The following SPOCK1 variants were observed in gnomAD, a reference collection of about 807,000 sequenced individuals.
SPOCK1 encodes the protein testican-1.
SPOCK1 carries 23 observed loss-of-function variants against 55.3 expected under a neutral mutation model. The observed-to-expected ratio is 0.42, with a 90% CI of 0.30 to 0.59. SPOCK1 has a LOEUF of 0.59. Ranked by LOEUF, SPOCK1 falls within the 20% of genes least tolerant of loss-of-function variation. The pLI is 0.22. For missense variants in SPOCK1, 499 were observed against 552.5 expected (o/e 0.90, Z 0.97); for synonymous variants, 226 against 221.0 (o/e 1.02, Z -0.20).
intron 9 of SPOCK1, 54 bp from the exon 10 acceptor site, chr5:136,979,523 G>T: frequency 1.3e-6 from 2 of 1,589,794 alleles, no homozygotes; most frequent in East Asian, 2.2e-5. Context: ...GATACTCGGG[G>T]TTAATGCCCG....
chr5:137,039,270 C>CGTTTTTT (rs1751943299), intron 6 of SPOCK1, among the ~76,000 whole-genome samples: 1 of 88,900 alleles, frequency 1.1e-5, no homozygotes. Context: ...GCCTGCCACA[C>CGTTTTTT]TTTTTTTTTT....
At chr5:137,035,489 T>G (rs1024035814) in intron 6 of SPOCK1, among the ~76,000 whole-genome samples, 3 of 151,980 alleles carry the variant, frequency 2.0e-5, no homozygotes, top group Admixed American at 2.0e-4. Context: ...AGAGGGTGAA[T>G]TAGGAAGGGA....
intron 2 of SPOCK1, among the ~76,000 whole-genome samples, chr5:137,436,489 C>T (rs1172849838): frequency 5.3e-5 from 8 of 152,112 alleles, no homozygotes; most frequent in Non-Finnish European, 8.8e-5. Flanking sequence ...ATAATAACCA[C>T]GTGGTCTTAA....
intron 2 of SPOCK1, among the ~76,000 whole-genome samples, chr5:137,343,274 G>A (rs1350190293): frequency 1.3e-5 from 2 of 152,166 alleles, no homozygotes; most frequent in Non-Finnish European, 2.9e-5. Context: ...GTTAGACTGA[G>A]GTCAAAAACC....
intron 2 of SPOCK1, among the ~76,000 whole-genome samples, chr5:137,335,053 G>A (rs1449901983): frequency 6.6e-6 from 1 of 152,190 alleles, no homozygotes; most frequent in Non-Finnish European, 1.5e-5. Flanking sequence ...AGTTGCCTGG[G>A]GTTAGGGTAC....
chr5:137,024,815 C>T (rs1250982562), intron 6 of SPOCK1, among the ~76,000 whole-genome samples: 1 of 152,138 alleles, frequency 6.6e-6, no homozygotes, highest in East Asian at 1.9e-4. Flanking sequence ...CTCCCATGTT[C>T]ACTGCAGCAC....
chr5:137,056,572 T>C (rs1580728464), intron 6 of SPOCK1, among the ~76,000 whole-genome samples: 1 of 151,870 alleles, frequency 6.6e-6, no homozygotes, highest in Non-Finnish European at 1.5e-5. Flanking sequence ...ATAGGATTAG[T>C]AGCCCTCATA....
chr5:137,282,675 C>G (rs1757189148), intron 2 of SPOCK1, among the ~76,000 whole-genome samples: 1 of 152,324 alleles, frequency 6.6e-6, no homozygotes, highest in African/African-American at 2.4e-5. Flanking sequence ...TGCTGGGACT[C>G]TCCAACATCA....
chr5:137,216,873 C>T (rs949038548), intron 3 of SPOCK1, among the ~76,000 whole-genome samples: 2 of 152,182 alleles, frequency 1.3e-5, no homozygotes, highest in African/African-American at 4.8e-5. Flanking sequence ...TTTTGGCTGA[C>T]TTTCAGGATA....
intron 6 of SPOCK1, among the ~76,000 whole-genome samples, chr5:137,024,984 C>T (rs983041857): frequency 7.2e-5 from 11 of 152,052 alleles, no homozygotes; most frequent in East Asian, 1.9e-4. Flanking sequence ...GGACATTATG[C>T]GAAGGGATGT....
intron 2 of SPOCK1, among the ~76,000 whole-genome samples, chr5:137,439,603 G>T (rs1455198361): frequency 6.6e-6 from 1 of 152,158 alleles, no homozygotes; most frequent in Non-Finnish European, 1.5e-5. Flanking sequence ...AATACAGGAG[G>T]TTTAATAACT....
At chr5:137,086,603 A>G (rs1044578037) in intron 5 of SPOCK1, among the ~76,000 whole-genome samples, 6 of 152,152 alleles carry the variant, frequency 3.9e-5, no homozygotes, top group Admixed American at 1.3e-4. Context: ...TGGAATGACC[A>G]TGCATAAGGC....
rs561146794 is a variant in SPOCK1, at chr5:137,013,219, GGTTTT to G, written c.590-20624_590-20620del. ...TCCATCATTTTGTGATTTCTTTTTA[GGTTTT>G]GTTTTGTTTTGTTTTGTTTTTTGGC... On this transcript the variant is annotated intron_variant, in intron 6 of 10. Transcript: ENST00000394945. Among the ~76,000 whole-genome samples, 25 of 142,888 alleles carry G rather than the reference GGTTTT, an allele frequency of 1.7e-4. No homozygotes were observed. The East Asian group carries it at 3.2e-3, about 18-fold the overall frequency. The allele number at this position is 142,888 out of a possible 152,430, so 93.7% of individuals were successfully genotyped here. A position where few individuals can be genotyped will look rare whatever the true frequency, so the allele number is the denominator to read the frequency against.
At chr5:137,121,781 G>T (rs1753688786) in intron 4 of SPOCK1, among the ~76,000 whole-genome samples, 1 of 144,232 alleles carries the variant, frequency 6.9e-6, no homozygotes, top group African/African-American at 2.5e-5. Flanking sequence ...TATAAAATAG[G>T]GATACTAATA....
At chr5:137,498,266 CCA>C (rs544933594) in intron 2 of SPOCK1, 105 bp downstream of exon 2, 152,596 of 773,652 alleles carry the variant, frequency 0.2, 2,416 homozygotes, top group East Asian at 0.25. Flanking sequence ...CCCCTCCCAA[CCA>C]CACACACACA....
chr5:137,461,954 G>A (rs1437898141), intron 2 of SPOCK1, among the ~76,000 whole-genome samples: 1 of 152,178 alleles, frequency 6.6e-6, no homozygotes, highest in Non-Finnish European at 1.5e-5. Flanking sequence ...ACCAGATGAA[G>A]AAACTGAAGC....
At chr5:137,295,937 T>A (rs115717687) in intron 2 of SPOCK1, among the ~76,000 whole-genome samples, 1 of 152,194 alleles carries the variant, frequency 6.6e-6, no homozygotes, top group Non-Finnish European at 1.5e-5. Flanking sequence ...TGAATGTTTG[T>A]GTCTCCCCCA....
intron 2 of SPOCK1, among the ~76,000 whole-genome samples, chr5:137,326,905 T>C (rs554265869): frequency 6.6e-6 from 1 of 152,370 alleles, no homozygotes; most frequent in Non-Finnish European, 1.5e-5. Context: ...TGTCCTCAAG[T>C]GGTGTGTATT....
chr5:137,134,794 C>T lies in SPOCK1; in HGVS notation c.347+5786G>A, dbSNP rs376087143. On this transcript the variant is annotated intron_variant, in intron 4 of 10. Coordinates refer to ENST00000394945, the MANE Select transcript of SPOCK1 (RefSeq NM_004598.4). ...TAAAACAAAACTGAGATGAAATAAC[C>T]GTCATCCTTTCAAATCTCCTCTGAG... Among the ~76,000 whole-genome samples, 15 of 152,324 alleles carry T rather than the reference C, an allele frequency of 9.8e-5. 2 individuals are homozygous for T. The highest frequency in any genetic ancestry group is 3.4e-4 in the African/African-American group (14 of 41,574).
Sources: allele counts gnomAD v4.1 joint callset (sites outside exome capture counted in the v4.1 genomes callset), GRCh38; gene constraint gnomAD v4.1.1; transcripts MANE v1.5; gene names NCBI Gene and HGNC (gene_info 2026-07-23, HGNC 2026-07-21).